Variants in CFAP20DC observed in about 807,000 individuals in gnomAD.
The protein encoded by CFAP20DC is CFAP20 domain containing, also known as protein CFAP20DC.
In CFAP20DC, 84 loss-of-function variants were observed where a neutral mutation model predicts 101.7. The observed-to-expected ratio is 0.83, with a 90% CI of 0.69 to 0.99. The LOEUF (loss-of-function observed/expected upper bound fraction) is 0.99. Ranked by LOEUF, CFAP20DC falls within the 50% of genes least tolerant of loss-of-function variation. The probability of loss-of-function intolerance (pLI) is 0.00; values close to 1 mark genes in which losing one functional copy is unlikely to be tolerated. For synonymous variants in CFAP20DC, 359 were observed against 351.2 expected (o/e 1.02, Z -0.25); for missense variants, 1,007 against 970.3 (o/e 1.04, Z -0.50).
chr3:58,768,678 TG>T (rs2070558080), intron 15 of CFAP20DC, among the ~76,000 whole-genome samples: 1 of 152,180 alleles, frequency 6.6e-6, no homozygotes, highest in South Asian at 2.1e-4. Flanking sequence ...ATTACCACAT[TG>T]GCTTAAAGCC....
rs1380219578 is a variant in CFAP20DC at position 58,729,851 on chromosome 3, TCTA to T, written c.198-12226_198-12224del. On this transcript the variant is annotated intron_variant, in intron 3 of 3. Coordinates refer to the CFAP20DC transcript ENST00000486145. This position sits in a 1 kb window ranked among gnomAD's most constrained non-coding sequence, Gnocchi z 4.4. Reference sequence around the variant, plus strand: ...GTGACCAACACGGAGAAACCCTGTCTCTACTAAAAATACAAAATTAGCAGGGCA... The same window carrying T: ...GTGACCAACACGGAGAAACCCTGTCTCTAAAAATACAAAATTAGCAGGGCA... 6.6e-6 allele frequency among the ~76,000 whole-genome samples: 1 copy of T among 151,860 alleles called. No individual in the cohort carries two copies. The highest frequency in any genetic ancestry group is 1.5e-5 in the Non-Finnish European group (1 of 67,964).
At chr3:58,996,890 G>A (rs142476041) in intron 4 of CFAP20DC, among the ~76,000 whole-genome samples, 22 of 152,292 alleles carry the variant, frequency 1.4e-4, no homozygotes, top group Admixed American at 7.8e-4. Flanking sequence ...TGGGAAGAGC[G>A]CACACCGGGG....
At chr3:58,923,438 G>A (rs1290339637) in intron 5 of CFAP20DC, among the ~76,000 whole-genome samples, 1 of 151,954 alleles carries the variant, frequency 6.6e-6, no homozygotes, top group African/African-American at 2.4e-5. Context: ...CAGCTTTTTA[G>A]TCTGAAAATG....
chr3:58,846,871 A>G lies in CFAP20DC; in HGVS notation c.1971+2161T>C, dbSNP rs1209827191. Among the ~76,000 whole-genome samples, 8 of 150,722 alleles carry G rather than the reference A, an allele frequency of 5.3e-5. No homozygotes were observed. The Middle Eastern group carries it at 0.014, about 256-fold the overall frequency. Reference sequence around the variant, plus strand: ...TCAGAAATAACGCCGCATATCTACAATTATCTGATCTTTGACAAACCTGAG... The same window carrying G: ...TCAGAAATAACGCCGCATATCTACAGTTATCTGATCTTTGACAAACCTGAG... On this transcript the variant is annotated intron_variant, in intron 13 of 16. Coordinates refer to ENST00000482387, the MANE Select transcript of CFAP20DC (RefSeq NM_001394063.1).
rs143691718 is a variant in CFAP20DC, at chr3:58,882,864, C to T, written c.715+1681G>A. 3.9e-5 allele frequency among the ~76,000 whole-genome samples: 6 copies of T among 152,138 alleles called. No individual in the cohort carries two copies. The highest frequency in any genetic ancestry group is 3.3e-4 in the Admixed American group (5 of 15,264). On this transcript the variant is annotated intron_variant, in intron 7 of 16. Coordinates refer to ENST00000482387, the MANE Select transcript of CFAP20DC (RefSeq NM_001394063.1). This position sits in a 1 kb window ranked among gnomAD's most constrained non-coding sequence, Gnocchi z 4.2. ...AGGGGTTGTTCATCATACATTCTCTCGAATTTTCTGTAAGTTTGGAAATGT... is the reference window on the plus strand; with the variant it reads ...AGGGGTTGTTCATCATACATTCTCTTGAATTTTCTGTAAGTTTGGAAATGT...
chr3:58,919,662 GTCT>G (rs1400785791), intron 5 of CFAP20DC, among the ~76,000 whole-genome samples: 3 of 152,116 alleles, frequency 2.0e-5, no homozygotes, highest in Admixed American at 6.6e-5. Context: ...ATTTATGTAG[GTCT>G]TCTTCGATTT....
At chr3:58,923,670 C>G (rs2085638221) in intron 5 of CFAP20DC, among the ~76,000 whole-genome samples, 3 of 152,182 alleles carry the variant, frequency 2.0e-5, no homozygotes, top group Admixed American at 6.6e-5. Context: ...CTTTATCACT[C>G]TTTTTTCAGC....
intron 4 of CFAP20DC, chr3:58,970,579 AT>A (rs774202750): frequency 6.6e-6 from 1 of 152,184 alleles, no homozygotes; most frequent in Non-Finnish European, 1.5e-5. Flanking sequence ...GTAAATATAC[AT>A]TGTTTTAAGC....
chr3:58,853,133 A>G (rs953049731), intron 12 of CFAP20DC, among the ~76,000 whole-genome samples: 1 of 152,192 alleles, frequency 6.6e-6, no homozygotes, highest in Non-Finnish European at 1.5e-5. Context: ...TAGACACAAT[A>G]AGAAATGATG....
chr3:59,008,185 T>G (rs573499798), intron 4 of CFAP20DC, among the ~76,000 whole-genome samples: 1 of 152,232 alleles, frequency 6.6e-6, no homozygotes, highest in East Asian at 1.9e-4. Context: ...CCTCCCTACT[T>G]GGAACATCAA....
At chr3:58,772,787 C>A (rs1220527019) in intron 15 of CFAP20DC, among the ~76,000 whole-genome samples, 4 of 151,890 alleles carry the variant, frequency 2.6e-5, no homozygotes, top group African/African-American at 9.7e-5. Flanking sequence ...TGTACAAATC[C>A]AAAAAATTTA....
rs1273195087 is a variant in CFAP20DC at position 58,728,176 on chromosome 3, A to C, written c.198-10548T>G. ...AAGTAGAAAGTGAGATTAAACTGTAAAGACCACTGATTATTCTGGTAAGTG... is the reference window on the plus strand; with the variant it reads ...AAGTAGAAAGTGAGATTAAACTGTACAGACCACTGATTATTCTGGTAAGTG... On this transcript the variant is annotated intron_variant, in intron 3 of 3. Coordinates refer to the CFAP20DC transcript ENST00000486145. The surrounding 1 kb of genome is among the most constrained non-coding windows in gnomAD (Gnocchi z 4.7). The C allele has an allele frequency of 1.3e-5, 2 of 152,212 alleles. No individual in the cohort carries two copies. Among genetic ancestry groups the C allele is most frequent in the African/African-American group, 2.4e-5 (1 of 41,460 alleles). 9.4% of individuals were successfully genotyped at this position (152,212 alleles called of 1,614,324 possible).
intron 4 of CFAP20DC, among the ~76,000 whole-genome samples, chr3:59,037,079 T>C (rs1273559107): frequency 6.6e-6 from 1 of 152,178 alleles, no homozygotes; most frequent in Non-Finnish European, 1.5e-5. Flanking sequence ...GATAGCCAAA[T>C]GCAGAATACT....
At chr3:59,041,514 T>G (rs1173489738) in intron 3 of CFAP20DC, among the ~76,000 whole-genome samples, 7 of 152,106 alleles carry the variant, frequency 4.6e-5, no homozygotes, top group Admixed American at 6.6e-5. Flanking sequence ...TTTTTTCCAG[T>G]GGCTTAGTAT....
rs540699050 is a variant in CFAP20DC, at chr3:58,724,738, C to A, written c.198-7110G>T. Among the ~76,000 whole-genome samples the A allele has an allele frequency of 4.9e-4, 74 of 152,298 alleles. No individual in the cohort carries two copies. Among genetic ancestry groups the A allele is most frequent in the African/African-American group, 1.8e-3 (74 of 41,564 alleles). Reference sequence around the variant, plus strand: ...CTCCATTTTGCAACTGGCCCCCTGGCTCCCACCTTTATGAACTCTTAACCT... The same window carrying A: ...CTCCATTTTGCAACTGGCCCCCTGGATCCCACCTTTATGAACTCTTAACCT... On this transcript the variant is annotated intron_variant, in intron 3 of 3. Transcript: ENST00000486145. The surrounding 1 kb of genome is among the most constrained non-coding windows in gnomAD (Gnocchi z 5.6).
intron 5 of CFAP20DC, among the ~76,000 whole-genome samples, 159 bp downstream of exon 5, chr3:58,937,489 G>A (rs60853394): frequency 0.011 from 1,636 of 152,246 alleles, 38 homozygotes; most frequent in African/African-American, 0.036. Context: ...CCACTTAGAT[G>A]TTAAGCTCTT....
At chr3:58,763,918 C>T (rs970885722) in intron 15 of CFAP20DC, among the ~76,000 whole-genome samples, 2 of 152,180 alleles carry the variant, frequency 1.3e-5, no homozygotes, top group South Asian at 2.1e-4. Context: ...CAGAGGCATA[C>T]CTGGCCATGT....
At chr3:58,989,598 A>T (rs576737097) in intron 4 of CFAP20DC, among the ~76,000 whole-genome samples, 1 of 152,212 alleles carries the variant, frequency 6.6e-6, no homozygotes, top group Non-Finnish European at 1.5e-5. Flanking sequence ...ACAAATCTAT[A>T]AAAGTGAACT....
intron 4 of CFAP20DC, among the ~76,000 whole-genome samples, chr3:58,949,447 T>G (rs2089803636): frequency 6.6e-6 from 1 of 152,174 alleles, no homozygotes; most frequent in South Asian, 2.1e-4. Flanking sequence ...CTCTACACAC[T>G]GCTTTGAATG....
Sources: allele counts gnomAD v4.1 joint callset (sites outside exome capture counted in the v4.1 genomes callset), GRCh38; gene constraint gnomAD v4.1.1; non-coding constraint Gnocchi (gnomAD v3.1); transcripts MANE v1.5; gene names NCBI Gene and HGNC (gene_info 2026-07-23, HGNC 2026-07-21).